SLC9A6: variants seen among roughly 807,000 people sequenced by gnomAD.
SLC9A6 encodes sodium/hydrogen exchanger 6.
Under a neutral mutation model 45.3 loss-of-function variants are expected in SLC9A6, and 6 were observed. The ratio of observed to expected loss-of-function variants is 0.13; its 90% CI spans 0.07 to 0.26. SLC9A6 has a LOEUF of 0.26. Ranked by LOEUF, SLC9A6 falls within the 10% of genes least tolerant of loss-of-function variation. The probability of loss-of-function intolerance (pLI) is 1.00; values close to 1 mark genes in which losing one functional copy is unlikely to be tolerated. For synonymous variants in SLC9A6, 191 were observed against 187.7 expected (o/e 1.02, Z -0.14); for missense variants, 278 against 503.7 (o/e 0.55, Z 4.29).
Position 136,013,006 on chromosome X carries a change from T to C in SLC9A6, c.943T>C (p.Leu315=). The change falls in exon 9 of 18, where the codon TTG becomes CTG. Residue 315 remains leucine, a synonymous_variant. Transcript: ENST00000630721. ...GTTGTTGGAGACAGGCCTGTTCTTC[T>C]TGATGTCCTGGAGTACCTTCCTCTT... ...FQLLETGLFF[L]MSWSTFLLAE... 8.3e-7 allele frequency: 1 copy of C among 1,210,731 alleles called. No homozygotes were observed. Among genetic ancestry groups the C allele is most frequent in the Non-Finnish European group, 1.1e-6 (1 of 894,446 alleles).
chrX:136,006,461 G>GTT (rs10712373), intron 7 of SLC9A6, among the ~76,000 whole-genome samples: 2 of 78,839 alleles, frequency 2.5e-5, no homozygotes, highest in Non-Finnish European at 5.1e-5. Flanking sequence ...CTGAAGCACT[G>GTT]TTTTTTTTTT....
intron 5 of SLC9A6, 75 bp downstream of exon 5, chrX:135,998,633 A>G (rs1372322721): frequency 5.1e-6 from 4 of 781,000 alleles, no homozygotes; most frequent in East Asian, 3.4e-5. Context: ...TGATTTATGC[A>G]GTGTTATATA....
intron 1 of SLC9A6, among the ~76,000 whole-genome samples, chrX:135,979,332 C>G (rs1370206332): frequency 9.0e-6 from 1 of 111,484 alleles, no homozygotes; most frequent in African/African-American, 3.3e-5. Flanking sequence ...CTTTGGCGCT[C>G]CCACAGCGTC....
chrX:136,038,638 G>A (rs1482663395), intron 16 of SLC9A6, among the ~76,000 whole-genome samples: 4 of 110,796 alleles, frequency 3.6e-5, no homozygotes, highest in Non-Finnish European at 7.6e-5. Flanking sequence ...TTTAATGTTA[G>A]GAAAGTTTTA....
chrX:136,033,467 C>A lies in SLC9A6; in HGVS notation c.1635C>A (p.Phe545Leu). 1 of 1,175,999 alleles carries A rather than the reference C, an allele frequency of 8.5e-7. No individual in the cohort carries two copies. The highest frequency in any genetic ancestry group is 1.8e-5 in the South Asian group (1 of 56,134). Residue 545 changes from phenylalanine (F) to leucine (L), a missense_variant, in exon 16 of 18, where the codon TTC becomes TTA. Physicochemically the swap from Phe to Leu is conservative, Grantham distance 22. Around this residue, in one of 5 missense-constraint regions of SLC9A6, gnomAD observed 91 missense variants for 125.1 expected, o/e 0.73. Coordinates refer to ENST00000630721, the MANE Select transcript of SLC9A6 (RefSeq NM_001379110.1). Reference sequence around the variant, plus strand: ...CCAAAGCAGAGAGTGCTTGGCTTTTCCGGATGTGGTACAACTTTGATCATA... The same window carrying A: ...CCAAAGCAGAGAGTGCTTGGCTTTTACGGATGTGGTACAACTTTGATCATA... ...RTTKAESAWL[F>L]RMWYNFDHNY...
intron 2 of SLC9A6, among the ~76,000 whole-genome samples, 164 bp from the exon 3 acceptor site, chrX:135,994,622 A>G (rs1556616189): frequency 8.9e-6 from 1 of 111,780 alleles, no homozygotes; most frequent in African/African-American, 3.3e-5. Context: ...TGTTTGTTGT[A>G]TGAATTTAGT....
At chrX:136,036,002 T>C (rs1556621779) in intron 16 of SLC9A6, among the ~76,000 whole-genome samples, 1 of 107,923 alleles carries the variant, frequency 9.3e-6, no homozygotes, top group Non-Finnish European at 1.9e-5. Context: ...ACTCAAGTGA[T>C]CCACCCACCT....
chrX:136,006,470 T>G (rs781830549), intron 7 of SLC9A6, among the ~76,000 whole-genome samples: 152 of 109,496 alleles, frequency 1.4e-3, no homozygotes, highest in Admixed American at 2.1e-3. Context: ...TGTTTTTTTT[T>G]TTTTTTTTTT....
Sources: gnomAD v4.1 joint callset for allele counts (sites outside exome capture counted in the v4.1 genomes callset) on GRCh38, gnomAD v4.1.1 for gene constraint, gnomAD v4.1.1 regional missense constraint, MANE v1.5 for transcripts, NCBI Gene and HGNC (gene_info 2026-07-23, HGNC 2026-07-21) for gene names.